Variants in ZNRF3 observed in about 807,000 individuals in gnomAD.
The protein encoded by ZNRF3 is E3 ubiquitin-protein ligase ZNRF3.
ZNRF3 carries 23 observed loss-of-function variants against 72.5 expected under a neutral mutation model. That is an observed-to-expected ratio of 0.32 (90% CI 0.23 to 0.45). The LOEUF (loss-of-function observed/expected upper bound fraction) is 0.45. ZNRF3 is among the 20% of genes least tolerant of loss of function. The pLI is 1.00. For synonymous variants in ZNRF3, 610 were observed against 545.3 expected (o/e 1.12, Z -1.65); for missense variants, 1,169 against 1,272.1 (o/e 0.92, Z 1.23).
At chr22:28,897,724 C>T (rs1341128189) in intron 1 of ZNRF3, among the ~76,000 whole-genome samples, 1 of 152,220 alleles carries the variant, frequency 6.6e-6, no homozygotes, top group East Asian at 1.9e-4. Flanking sequence ...TAGCTCCTCC[C>T]ATCTGCAGCC....
At chr22:28,964,309 A>G (rs4822998) in intron 1 of ZNRF3, among the ~76,000 whole-genome samples, 72,023 of 152,078 alleles carry the variant, frequency 0.47, 17,840 homozygotes, top group Admixed American at 0.58. Context: ...TCTATCCTCA[A>G]AGGTCTTCAT....
At chr22:29,005,895 C>T (rs561719892) in intron 2 of ZNRF3, among the ~76,000 whole-genome samples, 3 of 152,114 alleles carry the variant, frequency 2.0e-5, no homozygotes, top group Non-Finnish European at 2.9e-5. Flanking sequence ...ATTAGCTGGG[C>T]GTGGTGGTGC....
intron 2 of ZNRF3, among the ~76,000 whole-genome samples, chr22:29,002,772 C>T (rs1409606483): frequency 1.3e-5 from 2 of 152,142 alleles, no homozygotes; most frequent in East Asian, 3.9e-4. Flanking sequence ...TACCTGTAAA[C>T]CACAGCCTGT....
At chr22:29,006,370 C>T (rs974562047) in intron 2 of ZNRF3, among the ~76,000 whole-genome samples, 2 of 152,218 alleles carry the variant, frequency 1.3e-5, no homozygotes, top group South Asian at 4.1e-4. Context: ...TGTACCGCCA[C>T]GCCTGGCTAC....
At chr22:28,940,184 G>C (rs1331332261) in intron 1 of ZNRF3, among the ~76,000 whole-genome samples, 2 of 152,174 alleles carry the variant, frequency 1.3e-5, no homozygotes, top group African/African-American at 4.8e-5. Context: ...CATTCTGGCA[G>C]GGATTCTGGG....
chr22:28,972,695 C>T (rs1280578113), intron 1 of ZNRF3, among the ~76,000 whole-genome samples: 8 of 152,190 alleles, frequency 5.3e-5, no homozygotes, highest in African/African-American at 1.9e-4. Flanking sequence ...GACTCTTTTC[C>T]AAAGTGGCTG....
rs1037557110 is a variant in ZNRF3 at position 28,968,810 on chromosome 22, T to C, written c.301-18266T>C. On this transcript the variant is annotated intron_variant, in intron 1 of 8. Coordinates refer to ENST00000544604, the MANE Select transcript of ZNRF3 (RefSeq NM_001206998.2). ...TGTTGGCTGTCTTCTTGAGTTAGTTTTCTTTTGGTATTTTGGAAATTGGGT... is the reference window on the plus strand; with the variant it reads ...TGTTGGCTGTCTTCTTGAGTTAGTTCTCTTTTGGTATTTTGGAAATTGGGT... Among the ~76,000 whole-genome samples, 6 of 152,202 alleles carry C rather than the reference T, an allele frequency of 3.9e-5. 1 individual carries two copies. The highest frequency in any genetic ancestry group is 8.8e-5 in the Non-Finnish European group (6 of 68,020).
intron 1 of ZNRF3, among the ~76,000 whole-genome samples, chr22:28,928,280 T>C (rs1344467779): frequency 1.3e-5 from 2 of 152,176 alleles, no homozygotes; most frequent in Non-Finnish European, 2.9e-5. Flanking sequence ...ACACTTAGTT[T>C]TGATTTTTTT....
chr22:28,923,356 C>T (rs1172337491), intron 1 of ZNRF3, among the ~76,000 whole-genome samples: 1 of 152,172 alleles, frequency 6.6e-6, no homozygotes, highest in Non-Finnish European at 1.5e-5. Context: ...GGCCTGCACC[C>T]CTCTGGAAGC....
chr22:28,908,286 C>T (rs2034249429), intron 1 of ZNRF3, among the ~76,000 whole-genome samples: 1 of 152,070 alleles, frequency 6.6e-6, no homozygotes, highest in African/African-American at 2.4e-5. Flanking sequence ...TCCAAAGAAC[C>T]CTCAACAACC....
At chr22:28,911,313 A>G (rs2034312166) in intron 1 of ZNRF3, among the ~76,000 whole-genome samples, 1 of 152,230 alleles carries the variant, frequency 6.6e-6, no homozygotes, top group South Asian at 2.1e-4. Context: ...AGTGGGTCCC[A>G]TAGTCAGAAT....
intron 2 of ZNRF3, among the ~76,000 whole-genome samples, chr22:28,999,934 C>T (rs886354231): frequency 6.6e-6 from 1 of 152,220 alleles, no homozygotes; most frequent in African/African-American, 2.4e-5. Context: ...AGACCTCAGA[C>T]TGCAGAGACA....
In ZNRF3 at chr22:29,055,093, G is replaced by A. The variant is rs1221195000; in HGVS notation, c.*1471G>A. 1.3e-5 allele frequency: 2 copies of A among 152,758 alleles called. No individual in the cohort carries two copies. Among genetic ancestry groups the A allele is most frequent in the East Asian group, 3.9e-4 (2 of 5,182 alleles). 9.5% of individuals were successfully genotyped at this position (152,758 alleles called of 1,614,324 possible). A position where few individuals can be genotyped will look rare whatever the true frequency, so the allele number is the denominator to read the frequency against. On this transcript the variant is annotated 3_prime_UTR_variant, in exon 9 of 9. Transcript: ENST00000544604. ...AGAGTTTAAAAACCCAAACCGTTGT[G>A]GTTTTAAGGTGTTTCATTTTTAAAA...
At chr22:29,044,964 C>T in intron 5 of ZNRF3, 74 bp downstream of exon 5, 1 of 1,077,506 alleles carries the variant, frequency 9.3e-7, no homozygotes, top group Non-Finnish European at 1.4e-6. Flanking sequence ...GGACTCTCGT[C>T]ACCTTATTTT....
chr22:28,907,943 G>A (rs2056612601), intron 1 of ZNRF3, among the ~76,000 whole-genome samples: 1 of 152,214 alleles, frequency 6.6e-6, no homozygotes, highest in African/African-American at 2.4e-5. Context: ...TAGCAAGCAA[G>A]CTTTCAGAGG....
At chr22:29,046,078 C>G (rs2037063788) in intron 5 of ZNRF3, among the ~76,000 whole-genome samples, 1 of 152,178 alleles carries the variant, frequency 6.6e-6, no homozygotes, top group Non-Finnish European at 1.5e-5. Flanking sequence ...TTAACAGTAG[C>G]TGCTGTAGCA....
chr22:28,930,109 T>G (rs1236808236), intron 1 of ZNRF3, among the ~76,000 whole-genome samples: 2 of 152,236 alleles, frequency 1.3e-5, no homozygotes, highest in Non-Finnish European at 2.9e-5. Flanking sequence ...TGCTTTTTTT[T>G]GTCTTCCAAA....
intron 8 of ZNRF3, among the ~76,000 whole-genome samples, chr22:29,051,310 G>T (rs2037202034): frequency 6.6e-6 from 1 of 152,176 alleles, no homozygotes; most frequent in Admixed American, 6.5e-5. Flanking sequence ...CACTTTGGGA[G>T]GCCGAGGCTG....
intron 2 of ZNRF3, 77 bp downstream of exon 2, chr22:28,987,278 G>A: frequency 1.9e-6 from 3 of 1,546,926 alleles, no homozygotes; most frequent in Non-Finnish European, 2.6e-6. Context: ...TCCTCAAATA[G>A]TTGATTATGG....
Sources: gnomAD v4.1 joint callset for allele counts (sites outside exome capture counted in the v4.1 genomes callset) on GRCh38, gnomAD v4.1.1 for gene constraint, MANE v1.5 for transcripts, NCBI Gene and HGNC (gene_info 2026-07-23, HGNC 2026-07-21) for gene names.